SLC19A2: variants seen among roughly 807,000 people sequenced by gnomAD.
SLC19A2 encodes thiamine transporter 1.
A neutral mutation model predicts 44.7 loss-of-function variants in SLC19A2; 27 were observed. The ratio of observed to expected loss-of-function variants is 0.60; its 90% CI spans 0.45 to 0.83. The LOEUF (loss-of-function observed/expected upper bound fraction) is 0.83, where lower values mean the gene tolerates loss of function less well. SLC19A2 is among the 40% of genes least tolerant of loss of function. SLC19A2 has a pLI of 0.00. For missense variants in SLC19A2, 566 were observed against 613.7 expected (o/e 0.92, Z 0.82); for synonymous variants, 239 against 243.6 (o/e 0.98, Z 0.18).
At chr1:169,469,599 T>C (rs1348748853) in intron 3 of SLC19A2, among the ~76,000 whole-genome samples, 1 of 152,184 alleles carries the variant, frequency 6.6e-6, no homozygotes, top group African/African-American at 2.4e-5. Flanking sequence ...CTAGCACATA[T>C]TAACATTCAA....
chr1:169,473,317 C>T (rs572451982), intron 2 of SLC19A2, among the ~76,000 whole-genome samples: 43 of 152,190 alleles, frequency 2.8e-4, no homozygotes, highest in Admixed American at 1.3e-3. Context: ...CCACTGCAAC[C>T]TCTGCCTCCC....
Position 169,468,713 on chromosome 1 carries a change from T to TCCATGA in SLC19A2, c.1153_1154insTCATGG (p.Asn385delinsIleMetAsp). The TCCATGA allele has an allele frequency of 6.2e-7, 1 of 1,613,856 alleles. No homozygotes were observed. The highest frequency in any genetic ancestry group is 8.5e-7 in the Non-Finnish European group (1 of 1,179,832). On this transcript the variant is annotated protein_altering_variant, in exon 4 of 6. Transcript: ENST00000236137. ...ATAGGATGCATAGCACACCCAAATG[T>TCCATGA]TACCCACAGTGTCCATGATATACAC... is the stretch of plus-strand genomic sequence containing the variant.
In SLC19A2 at chr1:169,470,080, G is replaced by A; in HGVS notation, c.914C>T (p.Ser305Phe). ...LLCWSVWWAL[S>F]TCGYFQVVNY... is the part of the protein sequence containing the mutation. ...CACAACTTGAAAATAGCCACAGGTAGAGAGGGCCCACCACACAGACCAGCA... is the reference window on the plus strand; with the variant it reads ...CACAACTTGAAAATAGCCACAGGTAAAGAGGGCCCACCACACAGACCAGCA... Residue 305 changes from serine (S) to phenylalanine (F), a missense_variant, in exon 3 of 6, where the codon TCT (serine) becomes TTT (phenylalanine). Coordinates refer to ENST00000236137, the MANE Select transcript of SLC19A2 (RefSeq NM_006996.3). 6.2e-7 allele frequency: 1 copy of A among 1,614,038 alleles called. No individual in the cohort carries two copies. The highest frequency in any genetic ancestry group is 8.5e-7 in the Non-Finnish European group (1 of 1,179,940).
intron 3 of SLC19A2, 181 bp from the exon 4 acceptor site, chr1:169,469,017 T>G (rs1571532029): frequency 1.7e-6 from 1 of 605,034 alleles, no homozygotes; most frequent in Non-Finnish European, 2.9e-6. Context: ...ATCAATAAAA[T>G]GGAGCCACTG....
intron 2 of SLC19A2, among the ~76,000 whole-genome samples, chr1:169,475,056 A>G (rs949218969): frequency 2.6e-5 from 4 of 152,208 alleles, no homozygotes; most frequent in African/African-American, 9.6e-5. Flanking sequence ...CCTTATCTCT[A>G]AAAGGACAGT....
intron 5 of SLC19A2, among the ~76,000 whole-genome samples, chr1:169,466,409 A>T (rs1657993005): frequency 6.6e-6 from 1 of 150,976 alleles, no homozygotes; most frequent in Non-Finnish European, 1.5e-5. Context: ...AGGTGGGTAC[A>T]AATAGGCCAA....
intron 2 of SLC19A2, among the ~76,000 whole-genome samples, chr1:169,476,787 T>C (rs138947063): frequency 2.7e-4 from 41 of 152,234 alleles, no homozygotes; most frequent in Non-Finnish European, 5.1e-4. Context: ...TACTTAATCA[T>C]TTATTAGAAT....
intron 1 of SLC19A2, among the ~76,000 whole-genome samples, chr1:169,484,831 T>C (rs1032242488): frequency 6.6e-6 from 1 of 152,182 alleles, no homozygotes; most frequent in Non-Finnish European, 1.5e-5. Context: ...CAGAAGGCCT[T>C]CAAAGACATC....
chr1:169,471,206 C>T (rs1391703984), intron 2 of SLC19A2, among the ~76,000 whole-genome samples: 2 of 151,910 alleles, frequency 1.3e-5, no homozygotes, highest in Non-Finnish European at 2.9e-5. Context: ...ATTTCATTTA[C>T]TATAAAATGT....
intron 1 of SLC19A2, among the ~76,000 whole-genome samples, chr1:169,482,077 T>C (rs1019843022): frequency 1.3e-5 from 2 of 151,062 alleles, no homozygotes; most frequent in African/African-American, 4.9e-5. Context: ...GGCGTGTGCC[T>C]GTAGTCCCAG....
At chr1:169,484,343 T>A (rs1005873036) in intron 1 of SLC19A2, among the ~76,000 whole-genome samples, 6 of 152,224 alleles carry the variant, frequency 3.9e-5, no homozygotes, top group South Asian at 2.1e-4. Flanking sequence ...TGACCTGTTA[T>A]GCAGGGTTAC....
In SLC19A2 at chr1:169,464,960, G is replaced by A. The variant is rs1035146321; in HGVS notation, c.*889C>T. 2.0e-5 allele frequency: 3 copies of A among 152,296 alleles called. No individual in the cohort carries two copies. Among genetic ancestry groups the A allele is most frequent in the African/African-American group, 7.2e-5 (3 of 41,408 alleles). 9.4% of individuals were successfully genotyped at this position (152,296 alleles called of 1,614,324 possible). A position where few individuals can be genotyped will look rare whatever the true frequency, so the allele number is the denominator to read the frequency against. ...AAAAAAGATTTTTCATTTTATTTTG[G>A]AAATAAAAGGGAATACAAATACAAA... On this transcript the variant is annotated 3_prime_UTR_variant, in exon 6 of 6. Transcript: ENST00000236137.
rs1462074263 is a variant in SLC19A2 at position 169,465,608 on chromosome 1, G to A, written c.*241C>T. ...GGTTTTTAAAATCAAGTTCACTTTT[G>A]AATCAGAAAAAAAGTCATCCTTAAA... On this transcript the variant is annotated 3_prime_UTR_variant, in exon 6 of 6. Coordinates refer to ENST00000236137, the MANE Select transcript of SLC19A2 (RefSeq NM_006996.3). 1.4e-5 allele frequency: 7 copies of A among 498,258 alleles called. No homozygotes were observed. The highest frequency in any genetic ancestry group is 2.5e-5 in the Non-Finnish European group (7 of 275,756). 30.9% of individuals were successfully genotyped at this position (498,258 alleles called of 1,614,324 possible).
intron 5 of SLC19A2, among the ~76,000 whole-genome samples, chr1:169,467,486 T>C (rs1658064613): frequency 6.7e-6 from 1 of 149,026 alleles, no homozygotes; most frequent in Non-Finnish European, 1.5e-5. Context: ...GAGTAAATAC[T>C]TCTTGATTCA....
At chr1:169,485,412 CAAAG>C in intron 1 of SLC19A2, 147 bp downstream of exon 1, 1 of 848,344 alleles carries the variant, frequency 1.2e-6, no homozygotes, top group Non-Finnish European at 1.9e-6. Flanking sequence ...ATCATGAACA[CAAAG>C]AAGAGCACGA....
intron 5 of SLC19A2, 149 bp downstream of exon 5, chr1:169,467,962 G>A (rs1658073588): frequency 2.6e-6 from 2 of 759,976 alleles, no homozygotes; most frequent in Non-Finnish European, 4.4e-6. Flanking sequence ...AAGGATAGGG[G>A]AGAAGATGTT....
rs1255954825 is a variant in SLC19A2 at position 169,470,205 on chromosome 1, C to A, written c.808-19G>T. 1.9e-6 allele frequency: 3 copies of A among 1,604,008 alleles called. No homozygotes were observed. Among genetic ancestry groups the A allele is most frequent in the Non-Finnish European group, 2.6e-6 (3 of 1,171,156 alleles). On this transcript the variant is annotated intron_variant, in intron 2 of 5. Transcript: ENST00000236137. Reference sequence around the variant, plus strand: ...TGGGTTCCTACATAGCAAAAGGGAACAATGCTCAAACTCTGATGAAGGCAA... The same window carrying A: ...TGGGTTCCTACATAGCAAAAGGGAAAAATGCTCAAACTCTGATGAAGGCAA...
chr1:169,469,016 A>C, intron 3 of SLC19A2, 180 bp from the exon 4 acceptor site: 1 of 603,942 alleles, frequency 1.7e-6, no homozygotes, highest in Non-Finnish European at 2.9e-6. Flanking sequence ...AATCAATAAA[A>C]TGGAGCCACT....
At chr1:169,485,962 G>T (rs72542444), upstream of SLC19A2, 1,394 of 659,002 alleles carry the variant, frequency 2.1e-3, 3 homozygotes, top group Non-Finnish European at 1.6e-3. Context: ...CTGCCTGATC[G>T]CCCAGTTTAA....
Sources: allele counts gnomAD v4.1 joint callset (sites outside exome capture counted in the v4.1 genomes callset), GRCh38; gene constraint gnomAD v4.1.1; transcripts MANE v1.5; gene names NCBI Gene and HGNC (gene_info 2026-07-23, HGNC 2026-07-21).